Variants in ARID1B observed in about 807,000 individuals in gnomAD.
The protein encoded by ARID1B is AT-rich interactive domain-containing protein 1B.
A neutral mutation model predicts 212.3 loss-of-function variants in ARID1B; 30 were observed. The ratio of observed to expected loss-of-function variants is 0.14; its 90% confidence interval spans 0.11 to 0.19. The LOEUF is 0.19. Ranked by LOEUF, ARID1B falls within the 10% of genes least tolerant of loss-of-function variation. The pLI is 1.00. For synonymous variants in ARID1B, 1,402 were observed against 1,301.7 expected (o/e 1.08, Z -1.66); for missense variants, 2,891 against 3,204.0 (o/e 0.90, Z 2.36).
intron 4 of ARID1B, among the ~76,000 whole-genome samples, chr6:156,961,640 G>A (rs1199534079): frequency 6.6e-6 from 1 of 152,146 alleles, no homozygotes; most frequent in Non-Finnish European, 1.5e-5. Flanking sequence ...TTGAAGACTA[G>A]GCCAGAAGGG....
intron 6 of ARID1B, among the ~76,000 whole-genome samples, chr6:157,113,276 T>C (rs1787065837): frequency 6.6e-6 from 1 of 152,208 alleles, no homozygotes; most frequent in Non-Finnish European, 1.5e-5. Flanking sequence ...AAATGTGAAT[T>C]GATTTTTATG....
At chr6:156,884,430 G>A (rs902503398) in intron 2 of ARID1B, among the ~76,000 whole-genome samples, 2 of 152,060 alleles carry the variant, frequency 1.3e-5, no homozygotes, top group South Asian at 2.1e-4. Context: ...CCAGTTGCAC[G>A]GCAGGTCTTC....
chr6:157,004,451 A>G (rs930885183), intron 4 of ARID1B, among the ~76,000 whole-genome samples: 12 of 152,196 alleles, frequency 7.9e-5, no homozygotes, highest in African/African-American at 2.9e-4. Context: ...ATAAAATACC[A>G]TAATTTTGCT....
At chr6:157,119,272 C>A (rs1301444598) in intron 6 of ARID1B, among the ~76,000 whole-genome samples, 1 of 152,142 alleles carries the variant, frequency 6.6e-6, no homozygotes, top group African/African-American at 2.4e-5. Flanking sequence ...CAGCCTCATG[C>A]CTTTGAGATC....
At chr6:156,987,800 A>ATG (rs756707747) in intron 4 of ARID1B, among the ~76,000 whole-genome samples, 1 of 152,138 alleles carries the variant, frequency 6.6e-6, no homozygotes, top group Non-Finnish European at 1.5e-5. Context: ...GCCCTTGTTT[A>ATG]TGTTATTTAC....
At chr6:156,799,951 C>T (rs1291837804) in intron 1 of ARID1B, among the ~76,000 whole-genome samples, 1 of 152,162 alleles carries the variant, frequency 6.6e-6, no homozygotes, top group Non-Finnish European at 1.5e-5. Flanking sequence ...TTTTCGGGGT[C>T]CTAGGTGACA....
In ARID1B at chr6:156,890,139, G is replaced by C. The variant is rs558978358; in HGVS notation, c.1987-11237G>C. ...CCTGACTTCTGGAAATTGAGGTCAT[G>C]AGAGGCACTACCATTTAGTTCCCAC... On this transcript the variant is annotated intron_variant, in intron 2 of 19. Transcript: ENST00000636930. Among the ~76,000 whole-genome samples the C allele has an allele frequency of 3.9e-5, 6 of 152,338 alleles. No homozygotes were observed. In the South Asian group the frequency reaches 1.0e-3, roughly 26 times the overall value.
intron 8 of ARID1B, among the ~76,000 whole-genome samples, chr6:157,160,750 T>C (rs1790875922): frequency 6.6e-6 from 1 of 152,202 alleles, no homozygotes; most frequent in East Asian, 1.9e-4. Flanking sequence ...CATTTTCTCC[T>C]GGAGAGGGCC....
chr6:156,895,753 CA>C (rs1788331876), intron 2 of ARID1B, among the ~76,000 whole-genome samples: 8 of 152,112 alleles, frequency 5.3e-5, no homozygotes, highest in African/African-American at 1.9e-4. Flanking sequence ...CACACACACA[CA>C]CCCACATACA....
In ARID1B at chr6:156,872,057, G is replaced by C. The variant is rs369083139; in HGVS notation, c.1987-29319G>C. 3.4e-4 allele frequency among the ~76,000 whole-genome samples: 52 copies of C among 152,330 alleles called. No individual in the cohort carries two copies. The South Asian group carries it at 9.8e-3, about 29-fold the overall frequency. ...ATATTGTACGCTGACATATTGTTGG[G>C]AAGTTGGAATAGAGTCTGTGTAGAA... On this transcript the variant is annotated intron_variant, in intron 2 of 19. Transcript: ENST00000636930.
chr6:156,958,909 C>G (rs1794159155), intron 4 of ARID1B, among the ~76,000 whole-genome samples: 1 of 152,126 alleles, frequency 6.6e-6, no homozygotes, highest in Admixed American at 6.5e-5. Flanking sequence ...AAAGGAGCCC[C>G]TTTCTTTTCT....
rs1268821728 is a variant in ARID1B at position 156,893,060 on chromosome 6, T to TTTTTTTTTTTTTTTTG, written c.1987-8316_1987-8315insTTTTTTTTTTTTTTTG. 7.2e-4 allele frequency among the ~76,000 whole-genome samples: 99 copies of TTTTTTTTTTTTTTTTG among 137,738 alleles called. 4 individuals are homozygous for TTTTTTTTTTTTTTTTG. The highest frequency in any genetic ancestry group is 1.7e-3 in the African/African-American group (60 of 36,154). 90.4% of individuals were successfully genotyped at this position (137,738 alleles called of 152,430 possible). ...TTTTTTCTTCCTTTTTTTTTTTTTTTGAGATGGAGTCTTGCCCTGTCACCC... is the reference window on the plus strand; with the variant it reads ...TTTTTTCTTCCTTTTTTTTTTTTTTTTTTTTTTTTTTTTTTGGAGATGGAGTCTTGCCCTGTCACCC... On this transcript the variant is annotated intron_variant, in intron 2 of 19. Transcript: ENST00000636930.
At chr6:157,021,902 C>T (rs865820962) in intron 4 of ARID1B, among the ~76,000 whole-genome samples, 4 of 152,212 alleles carry the variant, frequency 2.6e-5, no homozygotes, top group African/African-American at 9.6e-5. Flanking sequence ...TACCTCGCCG[C>T]GCGCCCCTAA....
chr6:157,028,063 A>ATG (rs1262194997), intron 4 of ARID1B, among the ~76,000 whole-genome samples: 90 of 151,780 alleles, frequency 5.9e-4, no homozygotes, highest in African/African-American at 1.4e-3. Context: ...CTGTGTGTGT[A>ATG]TGTGTGTGTG....
chr6:156,841,991 T>G (rs1226161903), intron 2 of ARID1B, among the ~76,000 whole-genome samples: 1 of 152,252 alleles, frequency 6.6e-6, no homozygotes, highest in Non-Finnish European at 1.5e-5. Flanking sequence ...ATAAGACTGA[T>G]TATAATTAAA....
At chr6:157,153,822 T>C (rs977705353) in intron 8 of ARID1B, among the ~76,000 whole-genome samples, 1 of 152,194 alleles carries the variant, frequency 6.6e-6, no homozygotes, top group African/African-American at 2.4e-5. Flanking sequence ...TACTTTTTTG[T>C]AGAGACAGAG....
chr6:156,903,384 TA>T (rs1164605889), intron 3 of ARID1B, among the ~76,000 whole-genome samples: 1 of 152,236 alleles, frequency 6.6e-6, no homozygotes, highest in Admixed American at 6.5e-5. Flanking sequence ...ATATTCTGAA[TA>T]AAACCAAACA....
intron 6 of ARID1B, among the ~76,000 whole-genome samples, chr6:157,117,966 A>G (rs1787437335): frequency 6.6e-6 from 1 of 152,100 alleles, no homozygotes; most frequent in South Asian, 2.1e-4. Context: ...CACTAAATGG[A>G]TTGTGCTGAG....
In ARID1B at chr6:157,206,440, G is replaced by A. The variant is rs1794458835; in HGVS notation, c.5668G>A (p.Ala1890Thr). Residue 1890 changes from alanine (A) to threonine (T), a missense_variant, in exon 20 of 20, where the codon GCC (alanine) becomes ACC (threonine). This residue lies in a region of ARID1B where 332 missense variants were observed against 369.2 expected (regional missense o/e 0.90). Transcript: ENST00000636930. The surrounding 1 kb of genome is among the most constrained non-coding windows in gnomAD (Gnocchi z 6.8). ...SDEKSSIALT[A>T]PDAAADPKEK... is the part of the protein sequence containing the mutation. ...TGAAAAGAGCAGCATCGCTCTGACTGCCCCGGACGCCGCTGCAGACCCAAA... is the reference window on the plus strand; with the variant it reads ...TGAAAAGAGCAGCATCGCTCTGACTACCCCGGACGCCGCTGCAGACCCAAA... 1 of 1,614,114 alleles carries A rather than the reference G, an allele frequency of 6.2e-7. No homozygotes were observed. Among genetic ancestry groups the A allele is most frequent in the Non-Finnish European group, 8.5e-7 (1 of 1,180,030 alleles).
Sources: gnomAD v4.1 joint callset for allele counts (sites outside exome capture counted in the v4.1 genomes callset) on GRCh38, gnomAD v4.1.1 for gene constraint, gnomAD v4.1.1 regional missense constraint, Gnocchi (gnomAD v3.1) non-coding constraint, MANE v1.5 for transcripts, NCBI Gene and HGNC (gene_info 2026-07-23, HGNC 2026-07-21) for gene names.